ZNG1A: variants seen among roughly 807,000 people sequenced by gnomAD.
ZNG1A encodes the protein Zn regulated GTPase metalloprotein activator 1A, also known as zinc-regulated GTPase metalloprotein activator 1A.
chr9:152,627 C>T, the ZNG1A span, among the ~76,000 whole-genome samples: 4 of 151,820 alleles, frequency 2.6e-5, no homozygotes, highest in Non-Finnish European at 4.4e-5. Context: ...GCTCTCTACC[C>T]GTTATGCCTG....
At chr9:153,648 T>G in the ZNG1A span, 10 of 151,976 alleles carry the variant, frequency 6.6e-5, no homozygotes, top group African/African-American at 2.4e-4. Flanking sequence ...TTATATTTTT[T>G]TATAGTAAAG....
chr9:175,416 T>A, the ZNG1A span, among the ~76,000 whole-genome samples: 8 of 150,236 alleles, frequency 5.3e-5, no homozygotes, highest in East Asian at 1.6e-3. Flanking sequence ...CGTTTTTTCA[T>A]ATGTCTAGAT....
At chr9:147,240 G>T in the ZNG1A span, 34 of 137,412 alleles carry the variant, frequency 2.5e-4, no homozygotes, top group Non-Finnish European at 4.5e-4. Flanking sequence ...AAGCTAAGGT[G>T]AAGAAATATT....
At chr9:176,424 T>C in the ZNG1A span, among the ~76,000 whole-genome samples, 40 of 148,820 alleles carry the variant, frequency 2.7e-4, no homozygotes, top group African/African-American at 9.4e-4. Flanking sequence ...GGACATTTGG[T>C]TTGTTTCCAG....
the ZNG1A span, chr9:147,160 A>G: frequency 1.5e-5 from 2 of 130,376 alleles, no homozygotes; most frequent in Non-Finnish European, 3.1e-5. Flanking sequence ...CCTGGCACAG[A>G]GTGAGACTCC....
At chr9:168,392 A>G in the ZNG1A span, among the ~76,000 whole-genome samples, 1 of 151,850 alleles carries the variant, frequency 6.6e-6, no homozygotes, top group Non-Finnish European at 1.5e-5. Context: ...AACTGGGATT[A>G]CAGGCTCCCA....
chr9:124,042 GAA>G, the ZNG1A span, among the ~76,000 whole-genome samples: 6 of 152,192 alleles, frequency 3.9e-5, no homozygotes, highest in Non-Finnish European at 7.3e-5. Context: ...GCCAAGAGGA[GAA>G]GAGTTCTTAG....
At chr9:128,461 C>T in the ZNG1A span, among the ~76,000 whole-genome samples, 4 of 151,182 alleles carry the variant, frequency 2.6e-5, no homozygotes, top group Admixed American at 2.6e-4. Flanking sequence ...TCTACTTGTT[C>T]AATTCTATTG....
the ZNG1A span, chr9:149,217 G>C: frequency 1.3e-5 from 2 of 151,694 alleles, no homozygotes; most frequent in Non-Finnish European, 2.9e-5. Flanking sequence ...GAGGCATGTT[G>C]CTTTTAAAAT....
chr9:141,500 T>C, the ZNG1A span, among the ~76,000 whole-genome samples: 3 of 149,386 alleles, frequency 2.0e-5, no homozygotes, highest in African/African-American at 7.5e-5. Context: ...CTGAGAGATT[T>C]TGTCACCACC....
the ZNG1A span, chr9:154,487 C>T: frequency 1.8e-6 from 1 of 540,730 alleles, no homozygotes; most frequent in Non-Finnish European, 3.2e-6. Context: ...CCCTGAATAT[C>T]AGTCTATTAA....
At chr9:126,440 T>C in the ZNG1A span, among the ~76,000 whole-genome samples, 1 of 150,942 alleles carries the variant, frequency 6.6e-6, no homozygotes, top group Non-Finnish European at 1.5e-5. Context: ...GCTAGGAGGG[T>C]TGTATCTTTC....
the ZNG1A span, among the ~76,000 whole-genome samples, chr9:155,824 C>T: frequency 3.3e-5 from 5 of 150,624 alleles, no homozygotes; most frequent in Non-Finnish European, 5.9e-5. Flanking sequence ...TTAAGTTCAG[C>T]CAGGCACAGT....
chr9:176,061 C>A, the ZNG1A span, among the ~76,000 whole-genome samples: 1 of 148,976 alleles, frequency 6.7e-6, no homozygotes. Flanking sequence ...TACACACAAT[C>A]TTTTATTTAT....
chr9:139,802 C>T, the ZNG1A span, among the ~76,000 whole-genome samples: 1 of 151,448 alleles, frequency 6.6e-6, no homozygotes, highest in Non-Finnish European at 1.5e-5. Context: ...TCAGTGGGTG[C>T]GTGCACCATC....
At chr9:162,813 A>G in the ZNG1A span, among the ~76,000 whole-genome samples, 3 of 150,754 alleles carry the variant, frequency 2.0e-5, no homozygotes, top group South Asian at 2.1e-4. Context: ...GTCAAATGTG[A>G]TAAGTACATA....
chr9:150,568 C>T, the ZNG1A span: 13 of 983,598 alleles, frequency 1.3e-5, no homozygotes, highest in Non-Finnish European at 1.6e-5. Flanking sequence ...TCTAATGCAA[C>T]TTCAGTCCTC....
the ZNG1A span, chr9:149,509 CTT>C: frequency 6.6e-6 from 1 of 151,934 alleles, no homozygotes; most frequent in East Asian, 1.9e-4. Flanking sequence ...TTTCCTGACT[CTT>C]TTTCAAGAAA....
At chr9:166,853 A>G in the ZNG1A span, 4 of 152,284 alleles carry the variant, frequency 2.6e-5, no homozygotes, top group Admixed American at 1.3e-4. Flanking sequence ...GACAAATCAA[A>G]GCAATTAGAA....
Sources: gnomAD v4.1 joint callset for allele counts (sites outside exome capture counted in the v4.1 genomes callset) on GRCh38, gnomAD v4.1.1 for gene constraint, MANE v1.5 for transcripts, NCBI Gene and HGNC (gene_info 2026-07-23, HGNC 2026-07-21) for gene names.